NUBPL: variants seen among roughly 807,000 people sequenced by gnomAD.
The protein encoded by NUBPL is iron-sulfur cluster transfer protein NUBPL.
NUBPL carries 31 observed loss-of-function variants against 45.7 expected under a neutral mutation model. The ratio of observed to expected loss-of-function variants is 0.68; its 90% confidence interval spans 0.51 to 0.92. The LOEUF (loss-of-function observed/expected upper bound fraction) is 0.92. Ranked by LOEUF, NUBPL falls within the 40% of genes least tolerant of loss-of-function variation. The pLI, the probability that NUBPL is intolerant of heterozygous loss-of-function variation, is 0.00. For synonymous variants in NUBPL, 144 were observed against 140.9 expected (o/e 1.02, Z -0.15); for missense variants, 401 against 398.7 (o/e 1.01, Z -0.05).
intron 6 of NUBPL, among the ~76,000 whole-genome samples, chr14:31,713,170 T>A (rs879336310): frequency 2.4e-4 from 37 of 152,312 alleles, no homozygotes; most frequent in African/African-American, 7.5e-4. Context: ...ATATTTATTT[T>A]AAAAAACTAC....
intron 2 of NUBPL, among the ~76,000 whole-genome samples, chr14:31,564,247 C>A (rs922511903): frequency 2.0e-5 from 3 of 152,084 alleles, no homozygotes; most frequent in Non-Finnish European, 4.4e-5. Flanking sequence ...TTATGGGATT[C>A]GTCAGCATAA....
intron 4 of NUBPL, among the ~76,000 whole-genome samples, chr14:31,610,554 A>G (rs963301176): frequency 7.0e-6 from 1 of 142,232 alleles, no homozygotes; most frequent in African/African-American, 2.7e-5. Context: ...ATATTGCCAC[A>G]CTCATTCTGT....
At chr14:31,815,794 A>G (rs774212016) in intron 7 of NUBPL, among the ~76,000 whole-genome samples, 2 of 114,896 alleles carry the variant, frequency 1.7e-5, no homozygotes, top group African/African-American at 1.0e-4. Flanking sequence ...TGAGATAATC[A>G]TGTGGTTTTT....
chr14:31,750,610 A>G (rs1048707512), intron 6 of NUBPL, among the ~76,000 whole-genome samples: 1 of 151,976 alleles, frequency 6.6e-6, no homozygotes, highest in Non-Finnish European at 1.5e-5. Flanking sequence ...TTGCTTTATC[A>G]TTCTTCTTTT....
chr14:31,604,236 A>G (rs2034524516), intron 4 of NUBPL, among the ~76,000 whole-genome samples: 1 of 152,028 alleles, frequency 6.6e-6, no homozygotes, highest in Non-Finnish European at 1.5e-5. Context: ...GTCCCCCAAG[A>G]AATAAACTGA....
chr14:31,782,399 A>G (rs2039207692), intron 6 of NUBPL, among the ~76,000 whole-genome samples: 1 of 152,048 alleles, frequency 6.6e-6, no homozygotes, highest in Admixed American at 6.6e-5. Flanking sequence ...TGTCTCAAAC[A>G]AACAAACAAT....
chr14:31,717,653 T>G (rs2037718832), intron 6 of NUBPL, among the ~76,000 whole-genome samples: 1 of 152,148 alleles, frequency 6.6e-6, no homozygotes, highest in Non-Finnish European at 1.5e-5. Context: ...ATCTAAGCCT[T>G]AAAAAGAAAC....
At chr14:31,739,222 A>ATATATTGTATTC in intron 6 of NUBPL, among the ~76,000 whole-genome samples, 1 of 142,282 alleles carries the variant, frequency 7.0e-6, no homozygotes. Context: ...ATTATATTAT[A>ATATATTGTATTC]TATATATATA....
chr14:31,846,378 T>G (rs2040452671), intron 8 of NUBPL, 93 bp from the exon 9 acceptor site: 5 of 982,700 alleles, frequency 5.1e-6, no homozygotes, highest in Non-Finnish European at 6.3e-6. Context: ...TGAGTGCCAC[T>G]AGAACTCAGT....
intron 4 of NUBPL, among the ~76,000 whole-genome samples, chr14:31,601,873 G>A (rs1254383514): frequency 1.3e-5 from 2 of 152,110 alleles, no homozygotes; most frequent in African/African-American, 4.8e-5. Flanking sequence ...ATTTGACCCA[G>A]CCATCCCATT....
chr14:31,609,935 G>T lies in NUBPL; in HGVS notation c.382+10556G>T, dbSNP rs182391383. 2.5e-4 allele frequency among the ~76,000 whole-genome samples: 38 copies of T among 152,184 alleles called. 1 individual carries two copies. Among genetic ancestry groups the T allele is most frequent in the African/African-American group, 8.2e-4 (34 of 41,540 alleles). On this transcript the variant is annotated intron_variant, in intron 4 of 10. Coordinates refer to ENST00000281081, the MANE Select transcript of NUBPL (RefSeq NM_025152.3). ...CAACAAAAGCTGTACTAAGAGGGAA[G>T]TTTGTAGCTATAAGTGCCTATATCA...
intron 4 of NUBPL, chr14:31,654,135 G>C: frequency 2.2e-6 from 1 of 453,628 alleles, no homozygotes. Context: ...TCTCAATAAA[G>C]TAAGCAACAT....
intron 7 of NUBPL, among the ~76,000 whole-genome samples, chr14:31,819,940 A>G (rs2039986591): frequency 6.6e-6 from 1 of 152,042 alleles, no homozygotes. Context: ...GGAGATCGAG[A>G]CCATCCTGGC....
intron 7 of NUBPL, among the ~76,000 whole-genome samples, chr14:31,818,547 T>C (rs2039963425): frequency 6.6e-6 from 1 of 152,088 alleles, no homozygotes; most frequent in African/African-American, 2.4e-5. Context: ...GTTGATATAG[T>C]TTTCTTTTTT....
chr14:31,742,313 T>A (rs2038304091), intron 6 of NUBPL, among the ~76,000 whole-genome samples: 1 of 150,940 alleles, frequency 6.6e-6, no homozygotes, highest in African/African-American at 2.4e-5. Flanking sequence ...CATTAGGACA[T>A]CCACTTCTTA....
intron 4 of NUBPL, among the ~76,000 whole-genome samples, chr14:31,668,372 A>G (rs1408708064): frequency 6.6e-6 from 1 of 152,156 alleles, no homozygotes; most frequent in African/African-American, 2.4e-5. Flanking sequence ...GGGGAAAACC[A>G]CCTACTCTAG....
chr14:31,679,270 G>T (rs1288286566), intron 6 of NUBPL, among the ~76,000 whole-genome samples: 2 of 151,956 alleles, frequency 1.3e-5, no homozygotes, highest in Non-Finnish European at 2.9e-5. Context: ...TCTGATTTTT[G>T]GTTCTTATGT....
chr14:31,720,518 C>G (rs1017765478), intron 6 of NUBPL, among the ~76,000 whole-genome samples: 1 of 152,136 alleles, frequency 6.6e-6, no homozygotes, highest in African/African-American at 2.4e-5. Context: ...ACATAGGTAG[C>G]CTTCCCTGAA....
chr14:31,738,329 G>A (rs1258743789), intron 6 of NUBPL, among the ~76,000 whole-genome samples: 1 of 152,158 alleles, frequency 6.6e-6, no homozygotes, highest in East Asian at 1.9e-4. Flanking sequence ...CTCTTCACCA[G>A]AGGCTACAAC....
Sources: gnomAD v4.1 joint callset for allele counts (sites outside exome capture counted in the v4.1 genomes callset) on GRCh38, gnomAD v4.1.1 for gene constraint, MANE v1.5 for transcripts, NCBI Gene and HGNC (gene_info 2026-07-23, HGNC 2026-07-21) for gene names.